The following CHDH variants were observed in gnomAD, a reference collection of about 807,000 sequenced individuals.
CHDH encodes choline dehydrogenase.
A neutral mutation model predicts 56.9 loss-of-function variants in CHDH; 43 were observed. The observed-to-expected ratio is 0.76, with a 90% confidence interval of 0.59 to 0.97. The LOEUF is 0.97. CHDH is among the 50% of genes least tolerant of loss of function. CHDH has a pLI of 0.00. For missense variants in CHDH, 816 were observed against 821.1 expected (o/e 0.99, Z 0.08); for synonymous variants, 364 against 348.5 (o/e 1.04, Z -0.50).
At chr3:53,836,454 T>C (rs970417289) in intron 2 of CHDH, among the ~76,000 whole-genome samples, 2 of 152,224 alleles carry the variant, frequency 1.3e-5, no homozygotes, top group African/African-American at 4.8e-5. Flanking sequence ...CTCCTCCAGG[T>C]ACAGGTGCTA....
At chr3:53,824,643 G>A (rs1218048039) in intron 2 of CHDH, among the ~76,000 whole-genome samples, 1 of 152,138 alleles carries the variant, frequency 6.6e-6, no homozygotes, top group Admixed American at 6.5e-5. Context: ...GCACTAGAGG[G>A]ATTTGAAGCA....
intron 2 of CHDH, among the ~76,000 whole-genome samples, chr3:53,836,446 C>T (rs1576801770): frequency 6.6e-6 from 1 of 152,242 alleles, no homozygotes; most frequent in Non-Finnish European, 1.5e-5. Flanking sequence ...GCTGTTCTCT[C>T]CTCCAGGTAC....
chr3:53,826,985 A>G (rs2095640106), intron 2 of CHDH, among the ~76,000 whole-genome samples: 2 of 152,210 alleles, frequency 1.3e-5, no homozygotes, highest in African/African-American at 4.8e-5. Flanking sequence ...ACACAATATC[A>G]TTTAAATTAG....
rs1328266667 is a variant in CHDH at position 53,816,369 on chromosome 3, ATG to A, written c.*1406_*1407del. On this transcript the variant is annotated 3_prime_UTR_variant, in exon 9 of 9. Transcript: ENST00000315251. ...GTCTGGAGAAGGCATCTCAGTTCAA[ATG>A]TGAGTGACTGGATCACTTTATTGAA... The A allele has an allele frequency of 1.3e-5, 2 of 152,164 alleles. No individual in the cohort carries two copies. Among genetic ancestry groups the A allele is most frequent in the Non-Finnish European group, 2.9e-5 (2 of 68,022 alleles). The allele number at this position is 152,164 out of a possible 1,614,324, so 9.4% of individuals were successfully genotyped here.
At chr3:53,836,281 T>C (rs1698491254) in intron 2 of CHDH, among the ~76,000 whole-genome samples, 1 of 152,136 alleles carries the variant, frequency 6.6e-6, no homozygotes, top group Non-Finnish European at 1.5e-5. Context: ...CCTAAGACAG[T>C]GGGACAAGCT....
At chr3:53,842,015 G>T (rs1252951777) in intron 1 of CHDH, among the ~76,000 whole-genome samples, 1 of 151,738 alleles carries the variant, frequency 6.6e-6, no homozygotes, top group Non-Finnish European at 1.5e-5. Flanking sequence ...AATTAGTCAG[G>T]CATGGTGGTG....
At chr3:53,841,945 A>C (rs924400678) in intron 1 of CHDH, among the ~76,000 whole-genome samples, 3 of 152,152 alleles carry the variant, frequency 2.0e-5, no homozygotes, top group Admixed American at 6.5e-5. Flanking sequence ...CCAGAAGTTC[A>C]ATATCAGCCT....
At chr3:53,838,083 A>G (rs1436292965) in intron 2 of CHDH, among the ~76,000 whole-genome samples, 45 of 148,738 alleles carry the variant, frequency 3.0e-4, no homozygotes, top group South Asian at 8.4e-4. Flanking sequence ...AAAAAAAAAA[A>G]AGAGACTGTA....
At chr3:53,821,877 G>A in intron 4 of CHDH, 101 bp from the exon 5 acceptor site, 1 of 1,461,072 alleles carries the variant, frequency 6.8e-7, no homozygotes, top group Non-Finnish European at 9.3e-7. Context: ...ACACAGCCTT[G>A]GGATGTAGAA....
At chr3:53,843,211 G>C (rs1471765395) in intron 1 of CHDH, among the ~76,000 whole-genome samples, 1 of 64,600 alleles carries the variant, frequency 1.5e-5, no homozygotes, top group Non-Finnish European at 3.5e-5. Context: ...TTTTGGTTCT[G>C]CCTCTCCTGC....
At chr3:53,822,891 C>G in intron 3 of CHDH, among the ~76,000 whole-genome samples, 1 of 152,300 alleles carries the variant, frequency 6.6e-6, no homozygotes, top group Non-Finnish European at 1.5e-5. Flanking sequence ...AGACCAGGAG[C>G]ACAGCCAGAG....
intron 1 of CHDH, among the ~76,000 whole-genome samples, chr3:53,843,811 C>A (rs1464801613): frequency 1.3e-5 from 2 of 152,188 alleles, no homozygotes; most frequent in Non-Finnish European, 2.9e-5. Context: ...CAAATCACTT[C>A]ATCGCCCCTA....
At position 53,817,873 on chromosome 3, in the gene CHDH, G is replaced by A. The variant is rs1302415320; in HGVS notation, c.1689C>T (p.Ile563=). The change falls in exon 9 of 9, where the codon ATC becomes ATT. Residue 563 remains isoleucine, a synonymous_variant. Transcript: ENST00000315251. ...SGNLNAPTIM[I]AEKAADIIKG... is the part of the protein sequence containing the mutation. ...TGATAATGTCAGCTGCCTTCTCTGC[G>A]ATCATGATTGTGGGGGCGTTCAGGT... 5 of 1,614,074 alleles carry A rather than the reference G, an allele frequency of 3.1e-6. No individual in the cohort carries two copies. Among genetic ancestry groups the A allele is most frequent in the Admixed American group, 1.7e-5 (1 of 60,010 alleles).
chr3:53,836,697 C>T (rs556165204), intron 2 of CHDH, among the ~76,000 whole-genome samples: 1 of 152,338 alleles, frequency 6.6e-6, no homozygotes, highest in Admixed American at 6.5e-5. Flanking sequence ...GCCAAGGGGA[C>T]ACATGCAGGG....
At chr3:53,843,223 C>G (rs942268455) in intron 1 of CHDH, among the ~76,000 whole-genome samples, 36 of 140,604 alleles carry the variant, frequency 2.6e-4, no homozygotes, top group Non-Finnish European at 5.4e-4. Context: ...CTCTCCTGCC[C>G]CTAAATTTAC....
intron 2 of CHDH, among the ~76,000 whole-genome samples, chr3:53,834,827 G>A (rs542897514): frequency 6.6e-6 from 1 of 152,322 alleles, no homozygotes; most frequent in African/African-American, 2.4e-5. Context: ...GTGCCCTGTA[G>A]GATTAGATCC....
intron 2 of CHDH, among the ~76,000 whole-genome samples, chr3:53,825,664 T>C (rs1432678277): frequency 6.6e-6 from 1 of 152,028 alleles, no homozygotes; most frequent in Non-Finnish European, 1.5e-5. Flanking sequence ...GAGAAATATT[T>C]GAAGAGATAA....
intron 1 of CHDH, among the ~76,000 whole-genome samples, chr3:53,842,680 G>T (rs746178956): frequency 6.6e-6 from 1 of 152,214 alleles, no homozygotes; most frequent in Non-Finnish European, 1.5e-5. Context: ...GAGTCTGCGG[G>T]CTTTCCTGGG....
In CHDH at chr3:53,846,302, C is replaced by A. The variant is rs569620234; in HGVS notation, c.-350G>T. ...GGCGCGCGAAGCCCGAGGGCGGGTG[C>A]AGCTGATGCACCTGGCTCACTGCAT... On this transcript the variant is annotated 5_prime_UTR_variant, in exon 1 of 9. Coordinates refer to ENST00000315251, the MANE Select transcript of CHDH (RefSeq NM_018397.5). The A allele has an allele frequency of 1.4e-5, 5 of 368,704 alleles. No homozygotes were observed. In the Admixed American group the frequency reaches 2.4e-4, roughly 18 times the overall value. 22.8% of individuals were successfully genotyped at this position (368,704 alleles called of 1,614,324 possible).
Sources: allele counts gnomAD v4.1 joint callset (sites outside exome capture counted in the v4.1 genomes callset), GRCh38; gene constraint gnomAD v4.1.1; transcripts MANE v1.5; gene names NCBI Gene and HGNC (gene_info 2026-07-23, HGNC 2026-07-21).